Variants in SDHA observed in about 807,000 individuals in gnomAD.
SDHA encodes the protein succinate dehydrogenase complex flavoprotein subunit A.
SDHA carries 48 observed loss-of-function variants against 78.4 expected under a neutral mutation model. That is an observed-to-expected ratio of 0.61 (90% CI 0.49 to 0.78). The LOEUF is 0.78. SDHA is among the 30% of genes least tolerant of loss of function. SDHA has a pLI of 0.00. For synonymous variants in SDHA, 326 were observed against 353.9 expected (o/e 0.92, Z 0.88); for missense variants, 680 against 892.7 (o/e 0.76, Z 3.04).
chr5:230,802 A>G, intron 6 of SDHA, 74 bp from the exon 7 acceptor site: 1 of 1,589,678 alleles, frequency 6.3e-7, no homozygotes, highest in Non-Finnish European at 8.6e-7. Context: ...TGCCGTGTCC[A>G]TTCTGTGATC....
At position 223,568 on chromosome 5, in the gene SDHA, C is replaced by T. The variant is rs140264486; in HGVS notation, c.150C>T (p.Ser50=). The T allele has an allele frequency of 2.7e-5, 43 of 1,610,042 alleles. No homozygotes were observed. Among genetic ancestry groups the T allele is most frequent in the African/African-American group, 4.0e-5 (3 of 74,830 alleles). ...GGGCATCTGCTAAAGTTTCAGATTC[C>T]GTAAGTTCATGCTTTTTGTTCCATT... ...NKRASAKVSD[S]ISAQYPVVDH... Residue 50 remains serine, a splice_region_variant and synonymous_variant, in exon 2 of 15, where the codon TCC becomes TCT. Transcript: ENST00000264932.
In SDHA at chr5:226,046, G is replaced by A. The variant is rs780411478; in HGVS notation, c.620G>A (p.Arg207Lys). 2 of 1,614,144 alleles carry A rather than the reference G, an allele frequency of 1.2e-6. No individual in the cohort carries two copies. Among genetic ancestry groups the A allele is most frequent in the African/African-American group, 1.3e-5 (1 of 75,032 alleles). ...TCGCTATTGCACACCTTATATGGAAGGGTAAGGCCGCCCCCGTCCACCTGA... is the reference window on the plus strand; with the variant it reads ...TCGCTATTGCACACCTTATATGGAAAGGTAAGGCCGCCCCCGTCCACCTGA... The part of the protein sequence containing the change: ...GHSLLHTLYG[R>K]SLRYDTSYFV... Residue 207 changes from arginine to lysine, a missense_variant and splice_region_variant, in exon 5 of 15, where the codon AGG becomes AAG. Transcript: ENST00000264932.
At chr5:252,475 C>T (rs111359389) in intron 13 of SDHA, among the ~76,000 whole-genome samples, 2,859 of 117,776 alleles carry the variant, frequency 0.024, 452 homozygotes, top group Admixed American at 0.042. Flanking sequence ...ACGAGTAAGC[C>T]ACCATTTCAA....
chr5:267,591 G>C, the SDHA span, among the ~76,000 whole-genome samples: 2 of 152,212 alleles, frequency 1.3e-5, no homozygotes, highest in African/African-American at 4.8e-5. Context: ...GAACACAAGT[G>C]CCCAGAAACA....
At chr5:241,193 G>A (rs551356543) in intron 11 of SDHA, among the ~76,000 whole-genome samples, 3 of 152,286 alleles carry the variant, frequency 2.0e-5, no homozygotes, top group South Asian at 2.1e-4. Flanking sequence ...TGTGACCTCC[G>A]TGACCTGACC....
intron 11 of SDHA, among the ~76,000 whole-genome samples, chr5:242,930 C>T (rs756696387): frequency 4.6e-5 from 7 of 152,150 alleles, no homozygotes; most frequent in African/African-American, 1.2e-4. Context: ...AAAGCTAAAG[C>T]GGCAAAGGAG....
chr5:239,482 C>T (rs535108056), intron 10 of SDHA, among the ~76,000 whole-genome samples: 115 of 151,720 alleles, frequency 7.6e-4, no homozygotes, highest in Admixed American at 1.7e-3. Context: ...TGCTTGAACC[C>T]GGAGATGGAG....
chr5:233,563 G>A lies in SDHA; in HGVS notation c.982G>A (p.Glu328Lys), dbSNP rs778297896. The A allele has an allele frequency of 3.1e-6, 5 of 1,614,222 alleles. No individual in the cohort carries two copies. The highest frequency in any genetic ancestry group is 4.2e-6 in the Non-Finnish European group (5 of 1,180,034). ...LINSQGERFMERYAPVAKDLA... is the reference protein window; with the variant it reads ...LINSQGERFMKRYAPVAKDLA... ...TAACAGTCAAGGCGAAAGGTTTATG[G>A]AGCGATACGCCCCTGTCGCGAAGGA... The change falls in exon 8 of 15, where the codon GAG becomes AAG. Residue 328 changes from glutamate to lysine, a missense_variant. Transcript: ENST00000264932.
In SDHA at chr5:228,329, A is replaced by G. The variant is rs1409070000; in HGVS notation, c.766A>G (p.Thr256Ala). ...AAGAGCAAAGAACACTGTTGTTGCC[A>G]CAGGGTAGGAATCTCATTTCTACTT... ...RIRAKNTVVA[T>A]GGYGRTYFSC... The change falls in exon 6 of 15, where the codon ACA becomes GCA. Residue 256 changes from threonine to alanine, a missense_variant. Physicochemically the swap from Thr to Ala is moderately conservative, Grantham distance 58. Coordinates refer to ENST00000264932, the MANE Select transcript of SDHA (RefSeq NM_004168.4). 2 of 1,613,772 alleles carry G rather than the reference A, an allele frequency of 1.2e-6. No individual in the cohort carries two copies. The highest frequency in any genetic ancestry group is 8.5e-7 in the Non-Finnish European group (1 of 1,179,654).
Position 219,308 on chromosome 5 carries a change from A to G in SDHA, c.63+890A>G, listed in dbSNP as rs184460331. ...GTCTGAATGTGCCCTCTACGATTGC[A>G]TCTTAAGAATCGGCCTTCTAGGGTT... On this transcript the variant is annotated intron_variant, in intron 1 of 14. Coordinates refer to ENST00000264932, the MANE Select transcript of SDHA (RefSeq NM_004168.4). Among the ~76,000 whole-genome samples, 5 of 152,336 alleles carry G rather than the reference A, an allele frequency of 3.3e-5. No homozygotes were observed. In the East Asian group the frequency reaches 9.7e-4, roughly 29 times the overall value.
intron 11 of SDHA, chr5:249,310 C>T (rs1045519368): frequency 4.2e-6 from 1 of 239,100 alleles, no homozygotes; most frequent in Non-Finnish European, 8.3e-6. Context: ...CTTTGCAAAA[C>T]AAATAAAGGG....
chr5:220,914 G>A (rs1734678504), intron 1 of SDHA, among the ~76,000 whole-genome samples: 2 of 151,102 alleles, frequency 1.3e-5, no homozygotes, highest in African/African-American at 4.9e-5. Context: ...CCGAGTTCAC[G>A]CCATTCTCCT....
chr5:262,439 G>T, the SDHA span, among the ~76,000 whole-genome samples: 1 of 152,188 alleles, frequency 6.6e-6, no homozygotes, highest in East Asian at 1.9e-4. Flanking sequence ...GGCGAGCTCC[G>T]CCTCCTGCCA....
intron 3 of SDHA, among the ~76,000 whole-genome samples, chr5:225,026 A>G (rs1253189474): frequency 6.6e-6 from 1 of 152,192 alleles, no homozygotes; most frequent in African/African-American, 2.4e-5. Context: ...AGTCTTTAAC[A>G]CATGCCCGTA....
At chr5:250,086 A>G (rs1736718314) in intron 11 of SDHA, 1 of 152,284 alleles carries the variant, frequency 6.6e-6, no homozygotes, top group Non-Finnish European at 1.5e-5. Context: ...GCTAATGGAC[A>G]TGAAAGAATG....
Position 230,996 on chromosome 5 carries a change from T to C in SDHA, c.891T>C (p.Pro297=), listed in dbSNP as rs1126417. 1,196,931 of 1,613,450 alleles carry C rather than the reference T, an allele frequency of 0.74. 449,173 individuals carry two copies. The highest frequency in any genetic ancestry group is 0.78 in the African/African-American group (58,703 of 74,994). ...ACCTAGAGTTTGTTCAGTTCCACCC[T>C]ACAGGTAGGGCAGGACGCCTTGCCC... The part of the protein sequence containing the change: ...CQDLEFVQFH[P]TGIYGAGCLI... Residue 297 remains proline (P), a synonymous_variant, in exon 7 of 15, where the codon CCT becomes CCC. Transcript: ENST00000264932.
intron 11 of SDHA, 67 bp downstream of exon 11, chr5:240,543 T>G (rs1472226489): frequency 1.0e-5 from 11 of 1,067,442 alleles, no homozygotes; most frequent in African/African-American, 3.2e-5. Context: ...CTGGTTTTGT[T>G]TTTTAAAAAC....
chr5:244,640 TTC>T (rs1233884060), intron 11 of SDHA, among the ~76,000 whole-genome samples: 2 of 152,208 alleles, frequency 1.3e-5, no homozygotes, highest in African/African-American at 4.8e-5. Context: ...TTTCAATCAT[TTC>T]TCTACAGCAC....
intron 8 of SDHA, 95 bp downstream of exon 8, chr5:233,740 C>G: frequency 7.9e-7 from 1 of 1,258,700 alleles, no homozygotes; most frequent in South Asian, 1.2e-5. Context: ...CCTTCGTGTG[C>G]AGGCGCATGT....
Sources: allele counts gnomAD v4.1 joint callset (sites outside exome capture counted in the v4.1 genomes callset), GRCh38; gene constraint gnomAD v4.1.1; transcripts MANE v1.5; gene names NCBI Gene and HGNC (gene_info 2026-07-23, HGNC 2026-07-21).